The following MMUT variants were observed in gnomAD, a reference collection of about 807,000 sequenced individuals.
MMUT encodes methylmalonyl-CoA mutase, also known as methylmalonyl-CoA mutase, mitochondrial.
A neutral mutation model predicts 79.9 loss-of-function variants in MMUT; 79 were observed. The observed-to-expected ratio is 0.99, with a 90% CI of 0.82 to 1.19. The LOEUF (loss-of-function observed/expected upper bound fraction) is 1.19, where lower values mean the gene tolerates loss of function less well. MMUT is among the 50% of genes most tolerant of loss of function. The pLI, the probability that MMUT is intolerant of heterozygous loss-of-function variation, is 0.00. For missense variants in MMUT, 860 were observed against 917.2 expected (o/e 0.94, Z 0.81); for synonymous variants, 273 against 295.7 (o/e 0.92, Z 0.79).
At chr6:49,455,168 A>G (rs190993119) in intron 4 of MMUT, among the ~76,000 whole-genome samples, 74 of 152,226 alleles carry the variant, frequency 4.9e-4, no homozygotes, top group East Asian at 4.2e-3. Context: ...TCATTGTTTT[A>G]CATTTTTGCA....
intron 5 of MMUT, among the ~76,000 whole-genome samples, chr6:49,452,091 T>G (rs1198319693): frequency 6.6e-6 from 1 of 152,198 alleles, no homozygotes; most frequent in Non-Finnish European, 1.5e-5. Context: ...CACAATGATG[T>G]GTACAAAACA....
At chr6:49,440,661 T>C (rs1478275339) in intron 10 of MMUT, among the ~76,000 whole-genome samples, 1 of 152,164 alleles carries the variant, frequency 6.6e-6, no homozygotes, top group Non-Finnish European at 1.5e-5. Context: ...CCATATTTTG[T>C]TAATGCATCT....
intron 7 of MMUT, 46 bp downstream of exon 7, chr6:49,448,767 TTTC>T (rs944231958): frequency 7.0e-7 from 1 of 1,424,348 alleles, no homozygotes; most frequent in African/African-American, 1.4e-5. Context: ...CAGAAATGAA[TTTC>T]TTTTTAACTA....
At chr6:49,453,126 C>A (rs570799710) in intron 5 of MMUT, among the ~76,000 whole-genome samples, 35 of 148,846 alleles carry the variant, frequency 2.4e-4, no homozygotes, top group Admixed American at 4.1e-4. Context: ...ACTGCAACCT[C>A]CGATTCCCAG....
rs981159200 is a variant in MMUT, at chr6:49,440,373, A to C, written c.1809-20T>G. 1 of 1,611,720 alleles carries C rather than the reference A, an allele frequency of 6.2e-7. No homozygotes were observed. The highest frequency in any genetic ancestry group is 8.5e-7 in the Non-Finnish European group (1 of 1,178,252). ...TGAACCCTGAAAAACATTTAAAAAT[A>C]TATCAGTAGTTAGATACTAATTTTC... On this transcript the variant is annotated intron_variant, in intron 10 of 12. Transcript: ENST00000274813.
At chr6:49,444,553 G>T (rs921945003) in intron 9 of MMUT, 86 bp downstream of exon 9, 48 of 1,072,712 alleles carry the variant, frequency 4.5e-5, no homozygotes, top group African/African-American at 4.2e-4. Context: ...TGGTTTACAG[G>T]ATCAACCTTT....
In MMUT at chr6:49,451,524, C is replaced by T. The variant is rs2127417899; in HGVS notation, c.1274G>A (p.Trp425Ter). ...ACATTCCATCATGTAAGAACCTCCC[C>T]AAGGATCAGCCACTTTGGGAATCCC... is the stretch of plus-strand genomic sequence containing the variant. ...ESGIPKVADP[W>*]GGSYMMECLT... The change falls in exon 6 of 13, where the codon TGG becomes TAG. Residue 425 changes from tryptophan to a stop codon, truncating the protein, a stop_gained. Coordinates refer to ENST00000274813, the MANE Select transcript of MMUT (RefSeq NM_000255.4). LOFTEE classifies it high-confidence loss of function. The T allele has an allele frequency of 1.2e-6, 2 of 1,614,040 alleles. No homozygotes were observed. Among genetic ancestry groups the T allele is most frequent in the Non-Finnish European group, 1.7e-6 (2 of 1,179,974 alleles).
chr6:49,436,138 A>G (rs1767118883), intron 11 of MMUT, among the ~76,000 whole-genome samples: 1 of 152,200 alleles, frequency 6.6e-6, no homozygotes, highest in South Asian at 2.1e-4. Context: ...GATGCTAGCA[A>G]GGTTGTGGAG....
intron 6 of MMUT, 56 bp downstream of exon 6, chr6:49,451,410 A>T: frequency 6.4e-7 from 1 of 1,571,688 alleles, no homozygotes; most frequent in African/African-American, 1.4e-5. Flanking sequence ...TAAAATCTAT[A>T]AATCTTTACA....
Position 49,440,335 on chromosome 6 carries a change from T to A in MMUT, c.1827A>T (p.Glu609Asp). Residue 609 changes from glutamate (E) to aspartate (D), a missense_variant, in exon 11 of 13, where the codon GAA becomes GAT. By Grantham distance (45) the Glu-to-Asp change is conservative (BLOSUM62 2). Coordinates refer to ENST00000274813, the MANE Select transcript of MMUT (RefSeq NM_000255.4). Reference sequence around the variant, plus strand: ...GAAGACGAGGTCTGCGACCTTCACGTTCCATGAATTTATGAACCCTGAAAA... The same window carrying A: ...GAAGACGAGGTCTGCGACCTTCACGATCCATGAATTTATGAACCCTGAAAA... ...SAIKRVHKFM[E>D]REGRRPRLLV... 1.2e-6 allele frequency: 2 copies of A among 1,614,016 alleles called. No individual in the cohort carries two copies. Among genetic ancestry groups the A allele is most frequent in the Non-Finnish European group, 1.7e-6 (2 of 1,179,936 alleles).
At chr6:49,450,665 C>A (rs1376391944) in intron 6 of MMUT, among the ~76,000 whole-genome samples, 1 of 152,072 alleles carries the variant, frequency 6.6e-6, no homozygotes, top group Non-Finnish European at 1.5e-5. Context: ...GGCTATTAAT[C>A]AATTATAAAA....
chr6:49,430,497 T>C lies in MMUT; in HGVS notation c.*1231A>G, dbSNP rs968822676. On this transcript the variant is annotated 3_prime_UTR_variant, in exon 13 of 13. Coordinates refer to ENST00000274813, the MANE Select transcript of MMUT (RefSeq NM_000255.4). Reference sequence around the variant, plus strand: ...ATAAAATGGCATAGTGAATATATCATTGGACTTGAAGTCAGTGTTCATCTG... The same window carrying C: ...ATAAAATGGCATAGTGAATATATCACTGGACTTGAAGTCAGTGTTCATCTG... The C allele has an allele frequency of 2.6e-5, 4 of 152,200 alleles. No individual in the cohort carries two copies. Among genetic ancestry groups the C allele is most frequent in the African/African-American group, 4.8e-5 (2 of 41,450 alleles). 9.4% of individuals were successfully genotyped at this position (152,200 alleles called of 1,614,324 possible). A position where few individuals can be genotyped will look rare whatever the true frequency, so the allele number is the denominator to read the frequency against.
chr6:49,442,216 G>C (rs1174539445), intron 9 of MMUT, among the ~76,000 whole-genome samples: 1 of 151,978 alleles, frequency 6.6e-6, no homozygotes, highest in African/African-American at 2.4e-5. Context: ...ATGACTGAAT[G>C]ACCTAATAAT....
chr6:49,430,776 G>T lies in MMUT; in HGVS notation c.*952C>A, dbSNP rs1272530421. ...TTAAACTTTTTTTATTTTACATTCT[G>T]GGGAACATGTGCAGGATGTGCAGAT... On this transcript the variant is annotated 3_prime_UTR_variant, in exon 13 of 13. Transcript: ENST00000274813. 6.6e-6 allele frequency: 1 copy of T among 152,016 alleles called. No homozygotes were observed. The highest frequency in any genetic ancestry group is 2.4e-5 in the African/African-American group (1 of 41,388). 9.4% of individuals were successfully genotyped at this position (152,016 alleles called of 1,614,324 possible).
At chr6:49,461,186 A>G (rs1767831388) in intron 1 of MMUT, among the ~76,000 whole-genome samples, 1 of 152,212 alleles carries the variant, frequency 6.6e-6, no homozygotes, top group African/African-American at 2.4e-5. Context: ...AATGGTTGCT[A>G]GAATACAACA....
chr6:49,442,612 GA>G (rs1767305720), intron 9 of MMUT, among the ~76,000 whole-genome samples: 1 of 151,984 alleles, frequency 6.6e-6, no homozygotes, highest in South Asian at 2.1e-4. Context: ...CTGTCTGGAA[GA>G]ACCATTTTAA....
intron 4 of MMUT, among the ~76,000 whole-genome samples, chr6:49,454,814 G>A (rs181149366): frequency 4.0e-4 from 61 of 152,316 alleles, no homozygotes; most frequent in African/African-American, 1.4e-3. Flanking sequence ...AGGAGGCCAA[G>A]GCAGGAGGAT....
At chr6:49,445,030 AGCACATG>A (rs1767377709) in intron 8 of MMUT, among the ~76,000 whole-genome samples, 1 of 149,476 alleles carries the variant, frequency 6.7e-6, no homozygotes, top group Non-Finnish European at 1.5e-5. Context: ...CTTCCCAAGT[AGCACATG>A]TTACTTAGGC....
At position 49,430,508 on chromosome 6, in the gene MMUT, G is replaced by A. The variant is rs1766947318; in HGVS notation, c.*1220C>T. On this transcript the variant is annotated 3_prime_UTR_variant, in exon 13 of 13. Transcript: ENST00000274813. ...TAGTGAATATATCATTGGACTTGAA[G>A]TCAGTGTTCATCTGAAAATGGGAAC... 2 of 152,128 alleles carry A rather than the reference G, an allele frequency of 1.3e-5. No homozygotes were observed. Among genetic ancestry groups the A allele is most frequent in the South Asian group, 4.2e-4 (2 of 4,818 alleles). The allele number at this position is 152,128 out of a possible 1,614,324, so 9.4% of individuals were successfully genotyped here.
Sources: gnomAD v4.1 joint callset for allele counts (sites outside exome capture counted in the v4.1 genomes callset) on GRCh38, gnomAD v4.1.1 for gene constraint, MANE v1.5 for transcripts, NCBI Gene and HGNC (gene_info 2026-07-23, HGNC 2026-07-21) for gene names.